ATXN2: variants seen among roughly 807,000 people sequenced by gnomAD.
ATXN2 encodes the protein ataxin-2.
ATXN2 carries 37 observed loss-of-function variants against 138.6 expected under a neutral mutation model. The observed-to-expected ratio is 0.27, with a 90% CI of 0.21 to 0.35. The LOEUF (loss-of-function observed/expected upper bound fraction) is 0.35, where lower values mean the gene tolerates loss of function less well. Ranked by LOEUF, ATXN2 falls within the 10% of genes least tolerant of loss-of-function variation. The pLI, the probability that ATXN2 is intolerant of heterozygous loss-of-function variation, is 1.00. For synonymous variants in ATXN2, 549 were observed against 543.7 expected, an observed-to-expected ratio of 1.01 and a Z score of -0.13; for missense variants, 1,216 against 1,480.3, an observed-to-expected ratio of 0.82 and a Z score of 2.93.
chr12:111,590,744 A>G (rs1184923236), intron 1 of ATXN2, among the ~76,000 whole-genome samples: 1 of 152,028 alleles, frequency 6.6e-6, no homozygotes, highest in Non-Finnish European at 1.5e-5. Context: ...CTGTGTGAGC[A>G]TTAGCACCTG....
intron 1 of ATXN2, among the ~76,000 whole-genome samples, chr12:111,560,081 T>C (rs1882599415): frequency 6.6e-6 from 1 of 152,132 alleles, no homozygotes; most frequent in African/African-American, 2.4e-5. Flanking sequence ...TCTCAGAAAC[T>C]ATCCCTTCAA....
intron 14 of ATXN2, among the ~76,000 whole-genome samples, chr12:111,498,698 G>T (rs983342240): frequency 6.6e-6 from 1 of 152,074 alleles, no homozygotes; most frequent in African/African-American, 2.4e-5. Flanking sequence ...ATTCCTCACA[G>T]AAGTAGACAA....
intron 5 of ATXN2, among the ~76,000 whole-genome samples, chr12:111,530,447 G>C (rs1880756371): frequency 6.6e-6 from 1 of 152,188 alleles, no homozygotes. Context: ...AGCTGATCTA[G>C]GCCTTCAAGA....
chr12:111,488,385 T>G, intron 15 of ATXN2, 91 bp downstream of exon 15: 1 of 1,344,920 alleles, frequency 7.4e-7, no homozygotes, highest in Non-Finnish European at 1.0e-6. Flanking sequence ...AAAGTCCAGA[T>G]GGATTCTTCA....
intron 14 of ATXN2, among the ~76,000 whole-genome samples, chr12:111,495,026 C>T (rs2135710627): frequency 6.6e-6 from 1 of 151,954 alleles, no homozygotes; most frequent in East Asian, 1.9e-4. Flanking sequence ...AAAAAAAAGG[C>T]TGGGTGCGGT....
At chr12:111,599,333 C>T, upstream of ATXN2, 3 of 575,092 alleles carry the variant, frequency 5.2e-6, no homozygotes, top group Non-Finnish European at 6.4e-6. Context: ...GGGAGGGGGG[C>T]CGGGGCCGGG....
chr12:111,502,969 A>G (rs1160012116), intron 14 of ATXN2, among the ~76,000 whole-genome samples: 1 of 152,230 alleles, frequency 6.6e-6, no homozygotes, highest in African/African-American at 2.4e-5. Flanking sequence ...AGTAGATAGC[A>G]TGCCACAATG....
chr12:111,493,185 A>G (rs1878156909), intron 14 of ATXN2, among the ~76,000 whole-genome samples: 1 of 152,108 alleles, frequency 6.6e-6, no homozygotes, highest in Admixed American at 6.6e-5. Context: ...TTAGGATGCC[A>G]AGGCGGGCGG....
At chr12:111,507,233 G>A (rs1408594899) in intron 14 of ATXN2, among the ~76,000 whole-genome samples, 3 of 151,106 alleles carry the variant, frequency 2.0e-5, no homozygotes, top group African/African-American at 4.9e-5. Context: ...GTCTCTGCCC[G>A]GCCACCCGTC....
chr12:111,573,140 G>A (rs1025343972), intron 1 of ATXN2, among the ~76,000 whole-genome samples: 1 of 151,042 alleles, frequency 6.6e-6, no homozygotes, highest in African/African-American at 2.4e-5. Flanking sequence ...AAATTTTATT[G>A]CTGACAATAA....
At chr12:111,564,322 A>G (rs959009856) in intron 1 of ATXN2, among the ~76,000 whole-genome samples, 1 of 151,470 alleles carries the variant, frequency 6.6e-6, no homozygotes, top group African/African-American at 2.4e-5. Flanking sequence ...CAAGGGAAAG[A>G]AAAAAAAAGA....
intron 14 of ATXN2, among the ~76,000 whole-genome samples, chr12:111,501,225 C>G (rs578225489): frequency 2.6e-5 from 4 of 152,066 alleles, no homozygotes; most frequent in African/African-American, 9.6e-5. Flanking sequence ...AAGATATTAG[C>G]AAAATAAGTG....
intron 3 of ATXN2, among the ~76,000 whole-genome samples, chr12:111,553,604 A>AAT (rs1882237738): frequency 2.1e-4 from 18 of 84,992 alleles, no homozygotes; most frequent in Non-Finnish European, 3.1e-4. Context: ...AAAAAAAAAA[A>AAT]TTTTTTTTTT....
At chr12:111,592,782 C>CAAAAAAAAAAAAAAAAA (rs71083183) in intron 1 of ATXN2, among the ~76,000 whole-genome samples, 2,782 of 25,928 alleles carry the variant, frequency 0.11, 928 homozygotes, top group Non-Finnish European at 0.18. Context: ...GACTCCGTCT[C>CAAAAAAAAAAAAAAAAA]AAAAAAAAAA....
intron 1 of ATXN2, among the ~76,000 whole-genome samples, chr12:111,594,745 A>C (rs929455345): frequency 6.6e-6 from 1 of 152,200 alleles, no homozygotes; most frequent in African/African-American, 2.4e-5. Context: ...AATTACAAAA[A>C]AGTTACCAAA....
chr12:111,512,722 C>G (rs1937866513), intron 11 of ATXN2: 1 of 152,256 alleles, frequency 6.6e-6, no homozygotes, highest in South Asian at 2.1e-4. Flanking sequence ...TCCCAAAGTG[C>G]TGGGATTACA....
intron 5 of ATXN2, among the ~76,000 whole-genome samples, chr12:111,525,537 T>A (rs1486270031): frequency 6.6e-6 from 1 of 152,222 alleles, no homozygotes; most frequent in Non-Finnish European, 1.5e-5. Context: ...TTAAAACTTA[T>A]GTATGTGAAG....
chr12:111,580,901 G>C (rs958553661), intron 1 of ATXN2, among the ~76,000 whole-genome samples: 1 of 152,112 alleles, frequency 6.6e-6, no homozygotes, highest in Non-Finnish European at 1.5e-5. Flanking sequence ...AGCACTGGGA[G>C]GCCGAGGCAG....
At chr12:111,489,611 C>CAA (rs35926625) in intron 14 of ATXN2, among the ~76,000 whole-genome samples, 2,319 of 112,876 alleles carry the variant, frequency 0.021, 71 homozygotes, top group African/African-American at 0.064. Context: ...GACTCCGTCT[C>CAA]AAAAAAAAAA....
Sources: allele counts gnomAD v4.1 joint callset (sites outside exome capture counted in the v4.1 genomes callset), GRCh38; gene constraint gnomAD v4.1.1; transcripts MANE v1.5; gene names NCBI Gene and HGNC (gene_info 2026-07-23, HGNC 2026-07-21).